Variants in RBPJ observed in about 807,000 individuals in gnomAD.
RBPJ encodes the protein recombining binding protein suppressor of hairless.
Under a neutral mutation model 67.8 loss-of-function variants are expected in RBPJ, and 9 were observed. The observed-to-expected ratio is 0.13, with a 90% confidence interval of 0.08 to 0.23. RBPJ has a LOEUF of 0.23. Among genes scored for constraint, RBPJ ranks in the 10% least tolerant of loss-of-function variants. The pLI is 1.00. For missense variants in RBPJ, 305 were observed against 595.6 expected, an observed-to-expected ratio of 0.51 and a Z score of 5.08; for synonymous variants, 198 against 203.3, an observed-to-expected ratio of 0.97 and a Z score of 0.22.
At chr4:26,361,263 A>G (rs185968312) in intron 1 of RBPJ, among the ~76,000 whole-genome samples, 1 of 152,232 alleles carries the variant, frequency 6.6e-6, no homozygotes, top group African/African-American at 2.4e-5. Flanking sequence ...GAGTTCTTTC[A>G]CTATATATAA....
chr4:26,390,685 C>G (rs1026440013), intron 2 of RBPJ, among the ~76,000 whole-genome samples: 4 of 152,154 alleles, frequency 2.6e-5, no homozygotes, highest in Admixed American at 6.6e-5. Context: ...TGCAAAAACT[C>G]TACACTGAAG....
chr4:26,194,159 C>T (rs929336603), intron 1 of RBPJ, among the ~76,000 whole-genome samples: 2 of 152,230 alleles, frequency 1.3e-5, no homozygotes, highest in Admixed American at 1.3e-4. Flanking sequence ...ACCATGGTTT[C>T]CTATGTCATC....
chr4:26,156,409 T>A, the RBPJ span, among the ~76,000 whole-genome samples: 30 of 135,932 alleles, frequency 2.2e-4, no homozygotes, highest in African/African-American at 7.9e-4. Context: ...GAATTTCTTT[T>A]CTTTCTTTTT....
chr4:26,314,267 T>A (rs1272211215), intron 1 of RBPJ, among the ~76,000 whole-genome samples: 1 of 152,210 alleles, frequency 6.6e-6, no homozygotes, highest in Non-Finnish European at 1.5e-5. Context: ...AAGACATCTC[T>A]TGATGTTTGT....
intron 1 of RBPJ, among the ~76,000 whole-genome samples, chr4:26,240,602 TG>T (rs1719603046): frequency 6.6e-6 from 1 of 152,242 alleles, no homozygotes; most frequent in Non-Finnish European, 1.5e-5. Context: ...CTCTTGTCTA[TG>T]GAAGGGGGTC....
chr4:26,176,036 T>C (rs1220067915), intron 1 of RBPJ, among the ~76,000 whole-genome samples: 1 of 152,242 alleles, frequency 6.6e-6, no homozygotes, highest in Non-Finnish European at 1.5e-5. Flanking sequence ...AATAGGGTTG[T>C]CAGATAAAAT....
the RBPJ span, among the ~76,000 whole-genome samples, chr4:26,147,543 G>A: frequency 6.6e-6 from 1 of 152,190 alleles, no homozygotes; most frequent in Non-Finnish European, 1.5e-5. Flanking sequence ...AGGAAGCTGG[G>A]AATTTGAGTT....
intron 1 of RBPJ, among the ~76,000 whole-genome samples, chr4:26,349,510 T>A (rs2109436781): frequency 6.6e-6 from 1 of 152,382 alleles, no homozygotes; most frequent in South Asian, 2.1e-4. Context: ...TTTATTTTGA[T>A]ATAAGTAAGT....
At chr4:26,345,793 C>T (rs1242132652) in intron 1 of RBPJ, among the ~76,000 whole-genome samples, 1 of 152,176 alleles carries the variant, frequency 6.6e-6, no homozygotes, top group Non-Finnish European at 1.5e-5. Flanking sequence ...AGTCAGATGA[C>T]TACCCCATCC....
the RBPJ span, among the ~76,000 whole-genome samples, chr4:26,109,243 G>C: frequency 6.6e-6 from 1 of 150,894 alleles, no homozygotes; most frequent in Non-Finnish European, 1.5e-5. Flanking sequence ...AAGTAGCTGG[G>C]ATTATAGGCA....
the RBPJ span, among the ~76,000 whole-genome samples, chr4:26,154,139 G>C: frequency 6.6e-6 from 1 of 152,118 alleles, no homozygotes; most frequent in Non-Finnish European, 1.5e-5. Context: ...AAGATACAAA[G>C]AGCTCCCCTC....
chr4:26,338,091 T>G (rs576918965), intron 1 of RBPJ, among the ~76,000 whole-genome samples: 1,525 of 150,284 alleles, frequency 0.01, 32 homozygotes, highest in African/African-American at 0.035. Context: ...TGTGTTTTTT[T>G]GTTGTTTTTT....
chr4:26,181,196 T>G (rs926393937), intron 1 of RBPJ, among the ~76,000 whole-genome samples: 9 of 152,222 alleles, frequency 5.9e-5, no homozygotes, highest in African/African-American at 1.9e-4. Context: ...TTTTAATTAT[T>G]GCTCGGATTT....
At chr4:26,214,525 GA>G (rs1718560960) in intron 1 of RBPJ, among the ~76,000 whole-genome samples, 1 of 39,060 alleles carries the variant, frequency 2.6e-5, no homozygotes. Flanking sequence ...GGGAGGGAGG[GA>G]AGGAGGAAGG....
chr4:26,216,319 T>C (rs938182419), intron 1 of RBPJ, among the ~76,000 whole-genome samples: 11 of 152,104 alleles, frequency 7.2e-5, no homozygotes, highest in African/African-American at 2.4e-4. Context: ...GGGGCCACCA[T>C]TCCACCCACT....
At chr4:26,421,791 T>C (rs16878313) in intron 5 of RBPJ, among the ~76,000 whole-genome samples, 1,863 of 152,308 alleles carry the variant, frequency 0.012, 33 homozygotes, top group African/African-American at 0.043. Context: ...CATGCCCTTT[T>C]TTTTGAAACA....
intron 1 of RBPJ, among the ~76,000 whole-genome samples, chr4:26,303,272 A>ATATGAAATATATATATATATATAATCTT (rs1190850274): frequency 3.1e-4 from 45 of 147,054 alleles, no homozygotes; most frequent in Non-Finnish European, 5.5e-4. Context: ...TATGTAATCC[A>ATATGAAATATATATATATATATAATCTT]TATGAAATAT....
chr4:26,184,282 G>C (rs962838202), intron 1 of RBPJ, among the ~76,000 whole-genome samples: 9 of 152,110 alleles, frequency 5.9e-5, no homozygotes, highest in African/African-American at 2.2e-4. Flanking sequence ...CGTGGCCATA[G>C]GTACAGGGAT....
At position 26,386,102 on chromosome 4, in the gene RBPJ, C is replaced by T. The variant is rs1168893944; in HGVS notation, c.21-251C>T. 4.6e-5 allele frequency among the ~76,000 whole-genome samples: 7 copies of T among 152,288 alleles called. No homozygotes were observed. In the East Asian group the frequency reaches 1.4e-3, roughly 29 times the overall value. On this transcript the variant is annotated intron_variant, in intron 1 of 10. Coordinates refer to ENST00000355476, the MANE Select transcript of RBPJ (RefSeq NM_015874.6). ...GTCGTCTCTAAAAGATACCTGTCCTCCCCATCTAATCAGTGTGTTACTTGT... is the reference window on the plus strand; with the variant it reads ...GTCGTCTCTAAAAGATACCTGTCCTTCCCATCTAATCAGTGTGTTACTTGT...
Sources: gnomAD v4.1 joint callset for allele counts (sites outside exome capture counted in the v4.1 genomes callset) on GRCh38, gnomAD v4.1.1 for gene constraint, MANE v1.5 for transcripts, NCBI Gene and HGNC (gene_info 2026-07-23, HGNC 2026-07-21) for gene names.